Variants in CRMP1 observed in about 807,000 individuals in gnomAD.
The protein encoded by CRMP1 is collapsin response mediator protein 1.
CRMP1 carries 19 observed loss-of-function variants against 68.3 expected under a neutral mutation model. The observed-to-expected ratio is 0.28, with a 90% CI of 0.19 to 0.41. The LOEUF is 0.41. Among genes scored for constraint, CRMP1 ranks in the 10% least tolerant of loss-of-function variants. The pLI, the probability that CRMP1 is intolerant of heterozygous loss-of-function variation, is 1.00. For synonymous variants in CRMP1, 439 were observed against 399.6 expected (o/e 1.10, Z -1.18); for missense variants, 791 against 967.4 (o/e 0.82, Z 2.42).
intron 1 of CRMP1, among the ~76,000 whole-genome samples, chr4:5,880,168 A>G (rs2152474231): frequency 6.6e-6 from 1 of 152,338 alleles, no homozygotes; most frequent in African/African-American, 2.4e-5. Context: ...TCTCCCTGTC[A>G]TTGGAGGTAT....
chr4:5,825,037 T>G lies in CRMP1; in HGVS notation c.1969+457A>C. Reference sequence around the variant, plus strand: ...TAGGGTATAATGTTACTTTATGGAGTAGTGAGGATAAAATAAAATCATGGG... The same window carrying G: ...TAGGGTATAATGTTACTTTATGGAGGAGTGAGGATAAAATAAAATCATGGG... On this transcript the variant is annotated intron_variant, in intron 13 of 13. Coordinates refer to ENST00000324989, the MANE Select transcript of CRMP1 (RefSeq NM_001014809.3). The surrounding 1 kb of genome is among the most constrained non-coding windows in gnomAD (Gnocchi z 4.4). 1.0e-6 allele frequency: 1 copy of G among 985,072 alleles called. No individual in the cohort carries two copies. The highest frequency in any genetic ancestry group is 1.7e-5 in the African/African-American group (1 of 57,240). The allele number at this position is 985,072 out of a possible 1,614,324, so 61.0% of individuals were successfully genotyped here. A position where few individuals can be genotyped will look rare whatever the true frequency, so the allele number is the denominator to read the frequency against.
intron 1 of CRMP1, among the ~76,000 whole-genome samples, chr4:5,886,441 A>G (rs1715591076): frequency 2.0e-5 from 3 of 152,204 alleles, no homozygotes; most frequent in Admixed American, 2.0e-4. Flanking sequence ...TGAGGTTCAG[A>G]GAGGCATCAG....
At chr4:5,851,632 G>T (rs547750555) in intron 4 of CRMP1, among the ~76,000 whole-genome samples, 163 bp from the exon 5 acceptor site, 2 of 152,198 alleles carry the variant, frequency 1.3e-5, no homozygotes, top group Admixed American at 1.3e-4. Flanking sequence ...TGTGGGCGAA[G>T]GTCAAAGGAA....
At position 5,860,698 on chromosome 4, in the gene CRMP1, ATT is replaced by A. The variant is rs141884475; in HGVS notation, c.655+326_655+327del. Among the ~76,000 whole-genome samples, 3,486 of 151,930 alleles carry A rather than the reference ATT, an allele frequency of 0.023. 59 individuals are homozygous for A. The highest frequency in any genetic ancestry group is 0.05 in the African/African-American group (2,061 of 41,414). The stretch of plus-strand genomic sequence containing the variant: ...TTACTTAATACTTTTCTTTAAACAA[ATT>A]TTGTTTCTAAAAATCTAAATGTGAC... On this transcript the variant is annotated intron_variant, in intron 3 of 13. Coordinates refer to ENST00000324989, the MANE Select transcript of CRMP1 (RefSeq NM_001014809.3). This position sits in a 1 kb window ranked among gnomAD's most constrained non-coding sequence, Gnocchi z 4.2.
In CRMP1 at chr4:5,867,056, C is replaced by A. The variant is rs978005598; in HGVS notation, c.382-300G>T. Among the ~76,000 whole-genome samples, 6 of 152,326 alleles carry A rather than the reference C, an allele frequency of 3.9e-5. No homozygotes were observed. In the South Asian group the frequency reaches 1.0e-3, roughly 26 times the overall value. On this transcript the variant is annotated intron_variant, in intron 1 of 13. Transcript: ENST00000324989. ...GATCTCTCTCACTGTTAACCCATTT[C>A]CCGTTTGCCCCGAGAAATGAGTATG...
chr4:5,884,949 C>A (rs537346363), intron 1 of CRMP1, among the ~76,000 whole-genome samples: 19 of 149,404 alleles, frequency 1.3e-4, no homozygotes, highest in African/African-American at 4.2e-4. Flanking sequence ...CAAGAAGCCG[C>A]TTCAGCTAAG....
intron 11 of CRMP1, among the ~76,000 whole-genome samples, chr4:5,831,061 G>A (rs1240799989): frequency 6.6e-6 from 1 of 152,048 alleles, no homozygotes; most frequent in African/African-American, 2.4e-5. Context: ...CAATCCTCCT[G>A]CCTCAGCCTC....
chr4:5,845,653 T>C (rs1235992581), intron 6 of CRMP1, among the ~76,000 whole-genome samples: 2 of 152,234 alleles, frequency 1.3e-5, no homozygotes, highest in African/African-American at 2.4e-5. Context: ...GATAATTTGC[T>C]TTAAGACGCT....
intron 1 of CRMP1, chr4:5,887,624 T>C (rs1308991171): frequency 1.0e-6 from 1 of 984,940 alleles, no homozygotes; most frequent in Non-Finnish European, 1.2e-6. Context: ...CATTAACCCT[T>C]CCCGGGCCGC....
intron 1 of CRMP1, among the ~76,000 whole-genome samples, chr4:5,871,774 C>A (rs1319502962): frequency 1.3e-5 from 2 of 152,214 alleles, no homozygotes; most frequent in Non-Finnish European, 2.9e-5. Flanking sequence ...GATACGAATA[C>A]TCAAGAGGAG....
In CRMP1 at chr4:5,892,892, C is replaced by G. The variant is rs2152478476; in HGVS notation, c.78G>C (p.Gln26His). 7.2e-7 allele frequency: 1 copy of G among 1,381,936 alleles called. No homozygotes were observed. The highest frequency in any genetic ancestry group is 1.5e-5 in the South Asian group (1 of 67,264). 85.6% of individuals were successfully genotyped at this position (1,381,936 alleles called of 1,614,324 possible). A position where few individuals can be genotyped will look rare whatever the true frequency, so the allele number is the denominator to read the frequency against. ...TGCCGCCGTACTTCTGGCGCGGGGT[C>G]TGCGCCGCGCTGCCCGGCCGCGCCA... is the stretch of plus-strand genomic sequence containing the variant. ...VYLARPGSAA[Q>H]TPRQKYGGMF... The change falls in exon 1 of 14, where the codon CAG becomes CAC. Residue 26 changes from glutamine to histidine, a missense_variant. Coordinates refer to ENST00000324989, the MANE Select transcript of CRMP1 (RefSeq NM_001014809.3). This position sits in a 1 kb window ranked among gnomAD's most constrained non-coding sequence, Gnocchi z 8.6.
intron 9 of CRMP1, among the ~76,000 whole-genome samples, chr4:5,839,244 C>T (rs562746820): frequency 5.3e-5 from 8 of 152,296 alleles, no homozygotes; most frequent in African/African-American, 9.6e-5. Flanking sequence ...GAGTGCTTCC[C>T]GATACACCAT....
intron 13 of CRMP1, among the ~76,000 whole-genome samples, chr4:5,823,973 T>TATC (rs1719118759): frequency 6.6e-6 from 1 of 152,206 alleles, no homozygotes; most frequent in Non-Finnish European, 1.5e-5. Flanking sequence ...TGAAGTCACC[T>TATC]ATCAACCTGC....
intron 4 of CRMP1, among the ~76,000 whole-genome samples, chr4:5,852,697 C>A (rs1712748214): frequency 6.6e-6 from 1 of 152,196 alleles, no homozygotes; most frequent in South Asian, 2.1e-4. Flanking sequence ...AGTAAGACGA[C>A]AAGTCCCTGC....
chr4:5,841,509 G>A lies in CRMP1; in HGVS notation c.1033-81C>T. ...CCATCTCCATTTTCCTTAATTGAATGTGATCAGAAGGGAAATCTGCTCCAT... is the reference window on the plus strand; with the variant it reads ...CCATCTCCATTTTCCTTAATTGAATATGATCAGAAGGGAAATCTGCTCCAT... On this transcript the variant is annotated intron_variant, in intron 7 of 13. Transcript: ENST00000324989. The surrounding 1 kb of genome is among the most constrained non-coding windows in gnomAD (Gnocchi z 6.9). 6.3e-7 allele frequency: 1 copy of A among 1,579,460 alleles called. No individual in the cohort carries two copies. Among genetic ancestry groups the A allele is most frequent in the Non-Finnish European group, 8.6e-7 (1 of 1,158,838 alleles).
At position 5,876,020 on chromosome 4, in the gene CRMP1, G is replaced by A. The variant is rs773267677; in HGVS notation, c.382-9264C>T. Reference sequence around the variant, plus strand: ...TACAAAAAATTAGCCGAGCATGGTGGCAGGCGCCTGTAGTCCCAGCTACTT... The same window carrying A: ...TACAAAAAATTAGCCGAGCATGGTGACAGGCGCCTGTAGTCCCAGCTACTT... On this transcript the variant is annotated intron_variant, in intron 1 of 13. Coordinates refer to ENST00000324989, the MANE Select transcript of CRMP1 (RefSeq NM_001014809.3). Among the ~76,000 whole-genome samples the A allele has an allele frequency of 7.9e-5, 12 of 152,080 alleles. No homozygotes were observed. The South Asian group carries it at 2.1e-3, about 26-fold the overall frequency.
At chr4:5,862,303 T>A (rs1421899470) in intron 2 of CRMP1, among the ~76,000 whole-genome samples, 1 of 148,006 alleles carries the variant, frequency 6.8e-6, no homozygotes, top group Non-Finnish European at 1.5e-5. Flanking sequence ...TTGCTTATAA[T>A]AACCAATCCC....
At chr4:5,862,995 T>C (rs1713696890) in intron 2 of CRMP1, among the ~76,000 whole-genome samples, 2 of 152,166 alleles carry the variant, frequency 1.3e-5, no homozygotes. Flanking sequence ...AAATTTTTTG[T>C]AGAGATGGGA....
chr4:5,837,082 T>C (rs1438128953), intron 9 of CRMP1, among the ~76,000 whole-genome samples, 176 bp from the exon 10 acceptor site: 1 of 152,244 alleles, frequency 6.6e-6, no homozygotes, highest in Non-Finnish European at 1.5e-5. Context: ...GGATGCCCCA[T>C]TTATGTCACT....
Sources: gnomAD v4.1 joint callset for allele counts (sites outside exome capture counted in the v4.1 genomes callset) on GRCh38, gnomAD v4.1.1 for gene constraint, Gnocchi (gnomAD v3.1) non-coding constraint, MANE v1.5 for transcripts, NCBI Gene and HGNC (gene_info 2026-07-23, HGNC 2026-07-21) for gene names.